The following CSF1R variants were observed in gnomAD, a reference collection of about 807,000 sequenced individuals.
CSF1R encodes the protein colony stimulating factor 1 receptor.
A neutral mutation model predicts 110.0 loss-of-function variants in CSF1R; 40 were observed. The observed-to-expected ratio is 0.36, with a 90% CI of 0.28 to 0.47. CSF1R has a LOEUF of 0.47. Among genes scored for constraint, CSF1R ranks in the 20% least tolerant of loss-of-function variants. The pLI is 0.99. For synonymous variants in CSF1R, 523 were observed against 503.4 expected, an observed-to-expected ratio of 1.04 and a Z score of -0.52; for missense variants, 1,052 against 1,253.0, an observed-to-expected ratio of 0.84 and a Z score of 2.42.
chr5:150,106,941 T>C (rs142753325), intron 1 of CSF1R, among the ~76,000 whole-genome samples: 1 of 152,318 alleles, frequency 6.6e-6, no homozygotes, highest in East Asian at 1.9e-4. Flanking sequence ...GAGTGGTTAT[T>C]GGTGTGATGT....
chr5:150,089,402 T>G (rs763519963), upstream of CSF1R, among the ~76,000 whole-genome samples: 34 of 152,192 alleles, frequency 2.2e-4, no homozygotes, highest in Admixed American at 3.3e-4. Flanking sequence ...CATACGTAAC[T>G]CTATAGTACT....
chr5:150,056,580 C>T (rs1011033953), intron 16 of CSF1R, among the ~76,000 whole-genome samples: 1 of 152,170 alleles, frequency 6.6e-6, no homozygotes, highest in African/African-American at 2.4e-5. Flanking sequence ...AGCCATGGCC[C>T]TTCTCACCCT....
Position 150,086,404 on chromosome 5 carries a change from G to A in CSF1R, c.24C>T (p.Leu8=), listed in dbSNP as rs772293398. 6.2e-7 allele frequency: 1 copy of A among 1,610,608 alleles called. No individual in the cohort carries two copies. Among genetic ancestry groups the A allele is most frequent in the Non-Finnish European group, 8.5e-7 (1 of 1,178,720 alleles). The part of the protein sequence containing the change: MGPGVLL[L]LLVATAWHGQ... ...CATGCCAAGCTGTGGCCACCAGCAG[G>A]AGCAGCAGAACTCCTGGGCCCATGG... The change falls in exon 1 of 21, where the codon CTC becomes CTT. Residue 8 remains leucine, a synonymous_variant. Transcript: ENST00000675795.
At chr5:150,083,349 A>AACACACACACACACACACACACAC (rs59055324) in intron 1 of CSF1R, among the ~76,000 whole-genome samples, 3 of 106,388 alleles carry the variant, frequency 2.8e-5, no homozygotes, top group African/African-American at 1.1e-4. Flanking sequence ...CTTCTCTCCC[A>AACACACACACACACACACACACAC]ACACACACAC....
At chr5:150,058,817 C>T (rs1757369026) in intron 14 of CSF1R, among the ~76,000 whole-genome samples, 1 of 151,966 alleles carries the variant, frequency 6.6e-6, no homozygotes, top group Non-Finnish European at 1.5e-5. Flanking sequence ...CCTGTCCTGA[C>T]CCCACAAGCC....
chr5:150,058,310 C>A (rs564359532), intron 14 of CSF1R: 1 of 456,284 alleles, frequency 2.2e-6, no homozygotes, highest in Non-Finnish European at 4.4e-6. Context: ...TTGAGAAGCA[C>A]TACTGTAGAC....
chr5:150,086,057 A>G (rs1025330283), intron 1 of CSF1R, among the ~76,000 whole-genome samples: 6 of 152,182 alleles, frequency 3.9e-5, no homozygotes, highest in African/African-American at 1.4e-4. Context: ...CTAGTCTATC[A>G]CTGTCCCCCT....
intron 5 of CSF1R, 121 bp downstream of exon 5, chr5:150,077,155 A>C (rs898802848): frequency 3.0e-6 from 4 of 1,343,944 alleles, no homozygotes; most frequent in African/African-American, 2.9e-5. Flanking sequence ...TGGATAAACA[A>C]ACTCCAGCAG....
chr5:150,084,692 T>G (rs1581331081), intron 1 of CSF1R, among the ~76,000 whole-genome samples: 2 of 151,830 alleles, frequency 1.3e-5, no homozygotes, highest in African/African-American at 2.4e-5. Flanking sequence ...GATCTTGTGA[T>G]CCACCCGCCT....
At chr5:150,101,170 T>C (rs2113863236) in intron 1 of CSF1R, among the ~76,000 whole-genome samples, 1 of 151,536 alleles carries the variant, frequency 6.6e-6, no homozygotes, top group East Asian at 1.9e-4. Flanking sequence ...GAAGTGAGGG[T>C]GTTCCAGTTT....
chr5:150,087,429 T>A (rs1291735200), upstream of CSF1R, among the ~76,000 whole-genome samples: 1 of 152,226 alleles, frequency 6.6e-6, no homozygotes, highest in Non-Finnish European at 1.5e-5. Context: ...CATTCTCATT[T>A]CACAGATGGG....
intron 18 of CSF1R, 47 bp from the exon 19 acceptor site, chr5:150,055,383 C>G (rs1335021175): frequency 1.3e-6 from 2 of 1,496,058 alleles, no homozygotes; most frequent in African/African-American, 2.8e-5. Context: ...TTGTCTTCTC[C>G]CCATTCCCGC....
At chr5:150,059,609 A>T (rs931656802) in intron 14 of CSF1R, 91 bp downstream of exon 14, 11 of 1,501,520 alleles carry the variant, frequency 7.3e-6, no homozygotes, top group Non-Finnish European at 9.1e-6. Flanking sequence ...CCACCCATTC[A>T]TGAGCCATCC....
chr5:150,070,687 G>T, intron 6 of CSF1R, 116 bp from the exon 7 acceptor site: 1 of 689,612 alleles, frequency 1.5e-6, no homozygotes, highest in Non-Finnish European at 2.2e-6. Context: ...AAATATTCAG[G>T]GCCCAACGGC....
chr5:150,070,142 C>A (rs375734875), intron 8 of CSF1R, 40 bp downstream of exon 8: 25 of 1,609,948 alleles, frequency 1.6e-5, no homozygotes, highest in Non-Finnish European at 2.1e-5. Context: ...GGTGCCCAGC[C>A]CCTGAGCCCA....
chr5:150,107,891 G>A (rs987158475), intron 1 of CSF1R, among the ~76,000 whole-genome samples: 3 of 152,206 alleles, frequency 2.0e-5, no homozygotes, highest in Admixed American at 2.0e-4. Flanking sequence ...CCTGGCCCTG[G>A]GGACATGGTG....
chr5:150,078,053 G>A (rs1758350666), intron 4 of CSF1R, 59 bp downstream of exon 4: 1 of 1,603,802 alleles, frequency 6.2e-7, no homozygotes, highest in African/African-American at 1.3e-5. Flanking sequence ...CTCCACCATG[G>A]GAAACCTGGT....
At chr5:150,058,542 C>G (rs544053101) in intron 14 of CSF1R, among the ~76,000 whole-genome samples, 1 of 152,336 alleles carries the variant, frequency 6.6e-6, no homozygotes, top group South Asian at 2.1e-4. Flanking sequence ...CGAAATTACC[C>G]ACTCTGGGAA....
chr5:150,058,033 C>A (rs1364449942), intron 14 of CSF1R: 2 of 363,660 alleles, frequency 5.5e-6, no homozygotes, highest in Non-Finnish European at 1.1e-5. Flanking sequence ...TAGGATCAGG[C>A]TAATTACTAA....
Sources: allele counts gnomAD v4.1 joint callset (sites outside exome capture counted in the v4.1 genomes callset), GRCh38; gene constraint gnomAD v4.1.1; transcripts MANE v1.5; gene names NCBI Gene and HGNC (gene_info 2026-07-23, HGNC 2026-07-21).